Variants in SLC15A1 observed in about 807,000 individuals in gnomAD.
SLC15A1 encodes Caco-2 oligopeptide transporter.
Under a neutral mutation model 92.9 loss-of-function variants are expected in SLC15A1, and 83 were observed. That is an observed-to-expected ratio of 0.89 (90% CI 0.75 to 1.07). The LOEUF (loss-of-function observed/expected upper bound fraction) is 1.07, where lower values mean the gene tolerates loss of function less well. SLC15A1 is among the 50% of genes least tolerant of loss of function. SLC15A1 has a pLI of 0.00. For missense variants in SLC15A1, 857 were observed against 880.1 expected, an observed-to-expected ratio of 0.97 and a Z score of 0.33; for synonymous variants, 322 against 318.2, an observed-to-expected ratio of 1.01 and a Z score of -0.13.
chr13:98,722,838 T>A (rs2088270758), intron 5 of SLC15A1, among the ~76,000 whole-genome samples: 1 of 152,190 alleles, frequency 6.6e-6, no homozygotes, highest in Non-Finnish European at 1.5e-5. Flanking sequence ...AATTTACTCT[T>A]GTGAGAATTT....
At chr13:98,705,202 G>GA (rs33982897) in intron 16 of SLC15A1, among the ~76,000 whole-genome samples, 9,022 of 127,028 alleles carry the variant, frequency 0.071, 578 homozygotes, top group East Asian at 0.28. Flanking sequence ...CTGTATTTAA[G>GA]AAAAAAAAAA....
chr13:98,684,808 T>C lies in SLC15A1; in HGVS notation c.2043A>G (p.Gln681=), dbSNP rs762449839. ...TYINPAEIEA[Q]FDEDEKKNRL... is the part of the protein sequence containing the mutation. The stretch of plus-strand genomic sequence containing the variant: ...TGTTTTTCTTTTCATCCTCATCAAA[T>C]TGAGCTTCGATCTCCGCTGGGTTGA... The change falls in exon 23 of 23, where the codon CAA becomes CAG. Residue 681 remains glutamine (Q), a synonymous_variant. Transcript: ENST00000376503. The C allele has an allele frequency of 1.9e-6, 3 of 1,614,016 alleles. No individual in the cohort carries two copies. In the South Asian group the frequency reaches 3.3e-5, roughly 18 times the overall value.
intron 2 of SLC15A1, 96 bp downstream of exon 2, chr13:98,726,747 A>T: frequency 8.3e-7 from 1 of 1,211,528 alleles, no homozygotes; most frequent in Non-Finnish European, 1.2e-6. Flanking sequence ...CTGGTTCCAG[A>T]TGTACAGATC....
intron 18 of SLC15A1, among the ~76,000 whole-genome samples, chr13:98,692,454 C>T (rs955832844): frequency 2.0e-5 from 3 of 152,092 alleles, no homozygotes; most frequent in East Asian, 1.9e-4. Context: ...CCACTAAACC[C>T]GGTCTTCCTA....
At chr13:98,736,097 G>C (rs6491447) in intron 1 of SLC15A1, among the ~76,000 whole-genome samples, 94,516 of 151,604 alleles carry the variant, frequency 0.62, 31,510 homozygotes, top group African/African-American at 0.87. Context: ...AACTATACTA[G>C]AAGGCTACAG....
chr13:98,718,455 G>A (rs1352604165), intron 8 of SLC15A1, among the ~76,000 whole-genome samples: 1 of 151,356 alleles, frequency 6.6e-6, no homozygotes, highest in African/African-American at 2.4e-5. Context: ...GAGGAGCTGG[G>A]ACTACAGGTA....
chr13:98,749,321 T>C (rs1028475406), intron 1 of SLC15A1, among the ~76,000 whole-genome samples: 26 of 152,198 alleles, frequency 1.7e-4, no homozygotes, highest in Non-Finnish European at 3.2e-4. Flanking sequence ...TGAGATCTGG[T>C]GGGGCAGGAA....
chr13:98,703,307 T>G (rs527698699), intron 17 of SLC15A1, among the ~76,000 whole-genome samples: 11 of 152,214 alleles, frequency 7.2e-5, no homozygotes, highest in South Asian at 4.2e-4. Context: ...TCTTTAAAGC[T>G]AACATGAGCC....
Position 98,723,920 on chromosome 13 carries a change from AG to A in SLC15A1, c.356del (p.Pro119LeufsTer8). The A allele has an allele frequency of 6.2e-7, 1 of 1,614,176 alleles. No individual in the cohort carries two copies. The highest frequency in any genetic ancestry group is 8.5e-7 in the Non-Finnish European group (1 of 1,180,002). ...AGTGAGCACCAACTCACACGTGCAC[AG>A]GAAGGCTGTCGGGGGTGCCATCATG... is the stretch of plus-strand genomic sequence containing the variant. ...HNHDGTPDSLPVHVVLSLIGL... is the reference protein window; with the variant it reads ...HNHDGTPDSLXVHVVLSLIGL... On this transcript the variant is annotated frameshift_variant, in exon 5 of 23. Transcript: ENST00000376503. LOFTEE classifies it high-confidence loss of function.
At chr13:98,725,969 G>A (rs1253285444) in intron 4 of SLC15A1, among the ~76,000 whole-genome samples, 154 bp downstream of exon 4, 2 of 152,128 alleles carry the variant, frequency 1.3e-5, no homozygotes, top group Admixed American at 1.3e-4. Context: ...GCCTCTCAAA[G>A]TGCTGGGATT....
At chr13:98,699,166 G>A (rs779038134) in intron 18 of SLC15A1, among the ~76,000 whole-genome samples, 25 of 152,252 alleles carry the variant, frequency 1.6e-4, no homozygotes, top group Non-Finnish European at 3.1e-4. Context: ...GGCTTTCTGC[G>A]AATGTCATGT....
intron 22 of SLC15A1, among the ~76,000 whole-genome samples, chr13:98,685,459 T>A (rs997988463): frequency 6.6e-6 from 1 of 152,224 alleles, no homozygotes; most frequent in Admixed American, 6.5e-5. Flanking sequence ...TAAGTATCAG[T>A]AGAGCCCTCA....
At chr13:98,737,106 A>G (rs977418786) in intron 1 of SLC15A1, among the ~76,000 whole-genome samples, 3 of 152,234 alleles carry the variant, frequency 2.0e-5, no homozygotes, top group East Asian at 1.9e-4. Context: ...ATGTCCATCA[A>G]TGATAGACTG....
intron 11 of SLC15A1, among the ~76,000 whole-genome samples, chr13:98,711,604 C>T (rs1267044751): frequency 6.6e-6 from 1 of 152,188 alleles, no homozygotes; most frequent in Non-Finnish European, 1.5e-5. Context: ...GACTTGACCT[C>T]ATGTAATTGT....
intron 21 of SLC15A1, 55 bp downstream of exon 21, chr13:98,687,526 A>C: frequency 6.3e-7 from 1 of 1,580,146 alleles, no homozygotes; most frequent in Non-Finnish European, 8.6e-7. Context: ...TCCCATCAGC[A>C]TTTTCTGCAG....
At chr13:98,687,521 T>A in intron 21 of SLC15A1, 60 bp downstream of exon 21, 1 of 1,571,184 alleles carries the variant, frequency 6.4e-7, no homozygotes, top group Non-Finnish European at 8.6e-7. Context: ...TTAAGTCCCA[T>A]CAGCATTTTC....
chr13:98,744,748 CAAAAAAAAAAAAA>C (rs5806073), intron 1 of SLC15A1, among the ~76,000 whole-genome samples: 3 of 82,414 alleles, frequency 3.6e-5, no homozygotes, highest in African/African-American at 4.6e-5. Context: ...GATTCCATCT[CAAAAAAAAAAAAA>C]AAAAAAAAAA....
intron 1 of SLC15A1, among the ~76,000 whole-genome samples, chr13:98,740,558 C>T (rs1311178492): frequency 2.6e-5 from 4 of 152,142 alleles, no homozygotes; most frequent in Admixed American, 1.3e-4. Context: ...CCCTCTGCCT[C>T]CTCGGCTTCC....
intron 8 of SLC15A1, among the ~76,000 whole-genome samples, chr13:98,718,100 T>C (rs2088225092): frequency 6.6e-6 from 1 of 152,056 alleles, no homozygotes; most frequent in Non-Finnish European, 1.5e-5. Context: ...GTTTTTGCCA[T>C]TACTTTTAAT....
Sources: gnomAD v4.1 joint callset for allele counts (sites outside exome capture counted in the v4.1 genomes callset) on GRCh38, gnomAD v4.1.1 for gene constraint, MANE v1.5 for transcripts, NCBI Gene and HGNC (gene_info 2026-07-23, HGNC 2026-07-21) for gene names.